MND1: variants seen among roughly 807,000 people sequenced by gnomAD.
MND1 encodes the protein meiotic nuclear division protein 1 homolog.
A neutral mutation model predicts 35.1 loss-of-function variants in MND1; 28 were observed. The ratio of observed to expected loss-of-function variants is 0.80; its 90% CI spans 0.59 to 1.09. The LOEUF (loss-of-function observed/expected upper bound fraction) is 1.09, where lower values mean the gene tolerates loss of function less well. Ranked by LOEUF, MND1 falls within the 50% of genes least tolerant of loss-of-function variation. The pLI is 0.00. For missense variants in MND1, 213 were observed against 239.6 expected (o/e 0.89, Z 0.73); for synonymous variants, 69 against 70.5 (o/e 0.98, Z 0.11).
At chr4:153,407,435 C>T (rs1729546346) in intron 6 of MND1, among the ~76,000 whole-genome samples, 1 of 151,942 alleles carries the variant, frequency 6.6e-6, no homozygotes, top group African/African-American at 2.4e-5. Context: ...TGCACTCCAC[C>T]CTGGGCAATG....
rs1334333929 is a variant in MND1 at position 153,376,198 on chromosome 4, T to A, written c.276+17576T>A. On this transcript the variant is annotated intron_variant, in intron 4 of 7. Transcript: ENST00000240488. ...TTAAAAGTCAAGAGATGACTTTTTC[T>A]TCTTGATAGCTATTTCTAGAATTTT... Among the ~76,000 whole-genome samples the A allele has an allele frequency of 2.0e-5, 3 of 152,202 alleles. No individual in the cohort carries two copies. The East Asian group carries it at 5.8e-4, about 29-fold the overall frequency.
chr4:153,383,561 T>A (rs572812852), intron 4 of MND1, among the ~76,000 whole-genome samples: 1 of 152,194 alleles, frequency 6.6e-6, no homozygotes, highest in Non-Finnish European at 1.5e-5. Context: ...CAGGCCTTGG[T>A]TGGGATAAGG....
chr4:153,409,179 G>T, intron 7 of MND1, 164 bp downstream of exon 7: 2 of 250,330 alleles, frequency 8.0e-6, no homozygotes, highest in East Asian at 8.9e-5. Flanking sequence ...AGTTATTTAA[G>T]GTTTTTTTTA....
At chr4:153,404,230 G>A (rs1729425193) in intron 6 of MND1, among the ~76,000 whole-genome samples, 1 of 133,380 alleles carries the variant, frequency 7.5e-6, no homozygotes, top group Non-Finnish European at 1.5e-5. Flanking sequence ...TCACCAGGCT[G>A]GAGTGCAGTG....
At chr4:153,397,701 T>C (rs2149654615) in intron 6 of MND1, among the ~76,000 whole-genome samples, 2 of 151,790 alleles carry the variant, frequency 1.3e-5, no homozygotes, top group Middle Eastern at 6.9e-3. Context: ...ATGCCAGTAG[T>C]CCCAGCTACT....
At chr4:153,354,534 A>G (rs188486682) in intron 2 of MND1, among the ~76,000 whole-genome samples, 2 of 152,070 alleles carry the variant, frequency 1.3e-5, no homozygotes, top group East Asian at 1.9e-4. Context: ...GTCTTACTCT[A>G]TACTCTTGCC....
chr4:153,356,916 G>A (rs530001389), intron 3 of MND1, among the ~76,000 whole-genome samples: 6 of 152,044 alleles, frequency 3.9e-5, no homozygotes, highest in African/African-American at 1.2e-4. Context: ...TCTGTCTCCC[G>A]GGTTCAAGCG....
At chr4:153,358,420 T>C (rs1773398173) in intron 3 of MND1, 54 bp from the exon 4 acceptor site, 1 of 1,431,498 alleles carries the variant, frequency 7.0e-7, no homozygotes, top group South Asian at 1.6e-5. Context: ...ATTTGTCCTT[T>C]AATTTTATTT....
At chr4:153,400,264 A>G (rs1170241760) in intron 6 of MND1, among the ~76,000 whole-genome samples, 8 of 152,116 alleles carry the variant, frequency 5.3e-5, no homozygotes, top group Non-Finnish European at 7.4e-5. Flanking sequence ...TATTTATGCA[A>G]CCATGTAAAG....
chr4:153,404,328 C>T (rs563925255), intron 6 of MND1, among the ~76,000 whole-genome samples: 7 of 146,976 alleles, frequency 4.8e-5, no homozygotes, highest in African/African-American at 1.8e-4. Context: ...ACTACAGGCA[C>T]GTGCCACCAC....
intron 4 of MND1, among the ~76,000 whole-genome samples, chr4:153,369,082 C>G (rs1212107203): frequency 6.6e-6 from 1 of 152,170 alleles, no homozygotes; most frequent in Non-Finnish European, 1.5e-5. Flanking sequence ...CTTCCAAATC[C>G]AATCATGTGG....
intron 6 of MND1, among the ~76,000 whole-genome samples, chr4:153,405,367 A>G (rs1055201915): frequency 1.7e-4 from 26 of 151,930 alleles, no homozygotes; most frequent in African/African-American, 5.8e-4. Flanking sequence ...GTGAAACCCC[A>G]TCTCTACTAA....
chr4:153,407,216 C>T (rs1287344188), intron 6 of MND1, among the ~76,000 whole-genome samples: 1 of 152,198 alleles, frequency 6.6e-6, no homozygotes. Flanking sequence ...GTAATCCCAG[C>T]ACTTTGGGAG....
At chr4:153,386,376 A>G (rs1306291640) in intron 4 of MND1, among the ~76,000 whole-genome samples, 1 of 151,720 alleles carries the variant, frequency 6.6e-6, no homozygotes, top group East Asian at 1.9e-4. Flanking sequence ...GCATACCTGT[A>G]GTCCTAGCTA....
chr4:153,379,162 C>T (rs558078910), intron 4 of MND1, among the ~76,000 whole-genome samples: 15 of 151,470 alleles, frequency 9.9e-5, no homozygotes, highest in African/African-American at 3.6e-4. Flanking sequence ...TGGTTGCAGG[C>T]GCCTGTAGTC....
chr4:153,357,212 G>A (rs1229967471), intron 3 of MND1, among the ~76,000 whole-genome samples: 2 of 152,120 alleles, frequency 1.3e-5, no homozygotes, highest in African/African-American at 2.4e-5. Flanking sequence ...ATACATACAA[G>A]TGAAACCAGA....
At chr4:153,390,919 ATGTGTG>A (rs149830333) in intron 4 of MND1, among the ~76,000 whole-genome samples, 2,374 of 124,738 alleles carry the variant, frequency 0.019, 71 homozygotes, top group African/African-American at 0.066. Flanking sequence ...GTGTGTGTAT[ATGTGTG>A]TGTGTGTGTG....
At chr4:153,403,098 T>C (rs1339534507) in intron 6 of MND1, among the ~76,000 whole-genome samples, 1 of 152,018 alleles carries the variant, frequency 6.6e-6, no homozygotes, top group African/African-American at 2.4e-5. Flanking sequence ...ATCGTGCCAC[T>C]CTGCTCCAGC....
At position 153,370,102 on chromosome 4, in the gene MND1, T is replaced by C. The variant is rs149190435; in HGVS notation, c.276+11480T>C. On this transcript the variant is annotated intron_variant, in intron 4 of 7. Coordinates refer to ENST00000240488, the MANE Select transcript of MND1 (RefSeq NM_032117.4). ...TTCAAGACCAGCCTAGCCAACATCG[T>C]GAAACCCTGTCTCTACTTAAAATAC... 2.5e-3 allele frequency among the ~76,000 whole-genome samples: 379 copies of C among 152,022 alleles called. 2 individuals are homozygous for C. The highest frequency in any genetic ancestry group is 6.8e-3 in the Middle Eastern group (2 of 294).
Sources: allele counts gnomAD v4.1 joint callset (sites outside exome capture counted in the v4.1 genomes callset), GRCh38; gene constraint gnomAD v4.1.1; transcripts MANE v1.5; gene names NCBI Gene and HGNC (gene_info 2026-07-23, HGNC 2026-07-21).